RBFOX1: variants seen among roughly 807,000 people sequenced by gnomAD.
The protein encoded by RBFOX1 is RNA binding protein fox-1 homolog 1.
A neutral mutation model predicts 57.7 loss-of-function variants in RBFOX1; 8 were observed. That is an observed-to-expected ratio of 0.14 (90% CI 0.08 to 0.25). RBFOX1 has a LOEUF of 0.25. RBFOX1 is among the 10% of genes least tolerant of loss of function. The pLI is 1.00. For missense variants in RBFOX1, 611 were observed against 548.5 expected, an observed-to-expected ratio of 1.11 and a Z score of -1.14; for synonymous variants, 326 against 222.4, an observed-to-expected ratio of 1.47 and a Z score of -4.15.
chr16:5,382,196 C>A (rs1176486409), intron 1 of RBFOX1, among the ~76,000 whole-genome samples: 1 of 152,202 alleles, frequency 6.6e-6, no homozygotes, highest in Non-Finnish European at 1.5e-5. Context: ...TTAACTGAGG[C>A]TTCATCAGTA....
intron 2 of RBFOX1, among the ~76,000 whole-genome samples, chr16:6,443,751 C>G (rs558408106): frequency 7.1e-6 from 1 of 140,086 alleles, no homozygotes; most frequent in East Asian, 1.9e-4. Flanking sequence ...TTCCATCTGT[C>G]CATCTACCCA....
chr16:6,406,245 C>A (rs1596706755), intron 2 of RBFOX1, among the ~76,000 whole-genome samples: 1 of 152,300 alleles, frequency 6.6e-6, no homozygotes, highest in South Asian at 2.1e-4. Flanking sequence ...AGAGGCAATA[C>A]CCATTAATTC....
At chr16:6,922,817 T>C (rs12599978) in intron 3 of RBFOX1, among the ~76,000 whole-genome samples, 25,667 of 152,130 alleles carry the variant, frequency 0.17, 2,298 homozygotes, top group Non-Finnish European at 0.21. Context: ...ACAGGTGGGA[T>C]TGTGTGATGA....
At chr16:7,548,997 C>G (rs138357982) in intron 5 of RBFOX1, among the ~76,000 whole-genome samples, 1 of 152,290 alleles carries the variant, frequency 6.6e-6, no homozygotes, top group East Asian at 1.9e-4. Context: ...AGAAACACAT[C>G]AGAGTAATGG....
intron 1 of RBFOX1, among the ~76,000 whole-genome samples, chr16:6,256,283 GTGTGTATATATATA>G (rs1567788990): frequency 5.3e-5 from 7 of 130,854 alleles, no homozygotes; most frequent in African/African-American, 2.2e-4. Context: ...ATATATATAT[GTGTGTATATATATA>G]TGTATATATA....
intron 4 of RBFOX1, among the ~76,000 whole-genome samples, chr16:7,480,072 C>G (rs1471778155): frequency 6.6e-6 from 1 of 152,158 alleles, no homozygotes; most frequent in East Asian, 1.9e-4. Context: ...TCTGAATGGT[C>G]TATGTGAGCT....
chr16:7,435,082 C>T (rs560576279), intron 4 of RBFOX1, among the ~76,000 whole-genome samples: 1 of 152,072 alleles, frequency 6.6e-6, no homozygotes, highest in East Asian at 1.9e-4. Flanking sequence ...AATATTGATA[C>T]ATTATTGTTA....
chr16:5,622,781 A>G (rs1412478816), intron 3 of RBFOX1, among the ~76,000 whole-genome samples: 3 of 152,088 alleles, frequency 2.0e-5, no homozygotes, highest in Non-Finnish European at 2.9e-5. Flanking sequence ...GGCCCTCCAT[A>G]TCTGGGGGTT....
intron 2 of RBFOX1, among the ~76,000 whole-genome samples, chr16:6,406,754 G>C (rs968060436): frequency 6.6e-6 from 1 of 152,114 alleles, no homozygotes; most frequent in African/African-American, 2.4e-5. Flanking sequence ...TCATTGCAAA[G>C]GGTCTTCATA....
intron 3 of RBFOX1, among the ~76,000 whole-genome samples, chr16:7,029,544 T>C (rs894754478): frequency 6.6e-6 from 1 of 151,912 alleles, no homozygotes; most frequent in Non-Finnish European, 1.5e-5. Context: ...AATCTAATAT[T>C]TTACCTGGAC....
chr16:6,607,547 T>C (rs2097955981), intron 2 of RBFOX1, among the ~76,000 whole-genome samples: 1 of 146,412 alleles, frequency 6.8e-6, no homozygotes, highest in African/African-American at 2.5e-5. Context: ...TCTTTCTTCC[T>C]CCTCTTTCCC....
At chr16:6,880,220 C>T (rs1196209701) in intron 3 of RBFOX1, among the ~76,000 whole-genome samples, 2 of 141,486 alleles carry the variant, frequency 1.4e-5, no homozygotes, top group Non-Finnish European at 3.1e-5. Flanking sequence ...AAATTTTCCA[C>T]CGGGGGGTAG....
chr16:7,469,906 C>T (rs1305389586), intron 4 of RBFOX1, among the ~76,000 whole-genome samples: 1 of 152,144 alleles, frequency 6.6e-6, no homozygotes, highest in Non-Finnish European at 1.5e-5. Context: ...ACGCTAAGTA[C>T]CTCATATAAA....
At chr16:7,594,135 C>T (rs1459012297) in intron 7 of RBFOX1, among the ~76,000 whole-genome samples, 1 of 151,964 alleles carries the variant, frequency 6.6e-6, no homozygotes, top group East Asian at 1.9e-4. Context: ...AGCCCCCCAC[C>T]CCGTGACAGG....
chr16:5,536,521 C>T (rs1469241703), intron 2 of RBFOX1, among the ~76,000 whole-genome samples: 1 of 152,056 alleles, frequency 6.6e-6, no homozygotes, highest in Non-Finnish European at 1.5e-5. Context: ...CAGGTGTGAG[C>T]CAGCGCTCCT....
intron 3 of RBFOX1, among the ~76,000 whole-genome samples, chr16:6,829,752 C>T (rs969853554): frequency 2.0e-5 from 3 of 151,980 alleles, no homozygotes; most frequent in African/African-American, 7.2e-5. Flanking sequence ...CAGGCACCTG[C>T]CACAACACCC....
intron 3 of RBFOX1, among the ~76,000 whole-genome samples, chr16:5,640,521 CACAT>C (rs1256174261): frequency 3.3e-5 from 5 of 149,698 alleles, no homozygotes; most frequent in Non-Finnish European, 7.4e-5. Flanking sequence ...TGCACATACA[CACAT>C]GCACATACAC....
At chr16:7,027,265 G>C (rs1254721059) in intron 3 of RBFOX1, among the ~76,000 whole-genome samples, 1 of 152,188 alleles carries the variant, frequency 6.6e-6, no homozygotes, top group Admixed American at 6.5e-5. Flanking sequence ...TAAATGAATA[G>C]AGAGGATGAA....
chr16:6,738,144 C>T (rs939755059), intron 3 of RBFOX1, among the ~76,000 whole-genome samples: 1 of 151,446 alleles, frequency 6.6e-6, no homozygotes, highest in African/African-American at 2.4e-5. Flanking sequence ...CAGATGTAAC[C>T]TCTCATCTTA....
Sources: gnomAD v4.1 joint callset for allele counts (sites outside exome capture counted in the v4.1 genomes callset) on GRCh38, gnomAD v4.1.1 for gene constraint, MANE v1.5 for transcripts, NCBI Gene and HGNC (gene_info 2026-07-23, HGNC 2026-07-21) for gene names.